FAM184B: variants seen among roughly 807,000 people sequenced by gnomAD.
The protein encoded by FAM184B is family with sequence similarity 184 member B.
A neutral mutation model predicts 135.9 loss-of-function variants in FAM184B; 111 were observed. The observed-to-expected ratio is 0.82, with a 90% CI of 0.70 to 0.96. The LOEUF (loss-of-function observed/expected upper bound fraction) is 0.96. Among genes scored for constraint, FAM184B ranks in the 40% least tolerant of loss-of-function variants. The pLI is 0.00. For synonymous variants in FAM184B, 552 were observed against 524.8 expected, an observed-to-expected ratio of 1.05 and a Z score of -0.71; for missense variants, 1,375 against 1,323.9, an observed-to-expected ratio of 1.04 and a Z score of -0.60.
At chr4:17,681,383 G>A (rs1323913995) in intron 7 of FAM184B, among the ~76,000 whole-genome samples, 15 of 152,188 alleles carry the variant, frequency 9.9e-5, no homozygotes, top group Admixed American at 2.0e-4. Context: ...TTAGGCAGGT[G>A]GCCCTGCCCT....
chr4:17,734,720 T>G (rs536564749), intron 1 of FAM184B, among the ~76,000 whole-genome samples: 40 of 149,386 alleles, frequency 2.7e-4, no homozygotes, highest in African/African-American at 4.2e-4. Context: ...GGAACACTTT[T>G]ACACTGTTGG....
intron 5 of FAM184B, among the ~76,000 whole-genome samples, chr4:17,700,008 C>T (rs1716949508): frequency 6.6e-6 from 1 of 152,140 alleles, no homozygotes; most frequent in African/African-American, 2.4e-5. Context: ...TTTAAAGGTG[C>T]ATATTCCAAA....
chr4:17,762,262 T>C (rs1244657177), intron 1 of FAM184B, among the ~76,000 whole-genome samples: 6 of 152,238 alleles, frequency 3.9e-5, no homozygotes, highest in Non-Finnish European at 8.8e-5. Context: ...ATCTCTGATC[T>C]AGACATCTTT....
chr4:17,765,473 T>C (rs1349010457), intron 1 of FAM184B, among the ~76,000 whole-genome samples: 1 of 152,194 alleles, frequency 6.6e-6, no homozygotes, highest in Non-Finnish European at 1.5e-5. Context: ...TGGCTCACAA[T>C]GAGGGATTAT....
At position 17,642,068 on chromosome 4, in the gene FAM184B, C is replaced by G. The variant is rs1300654384; in HGVS notation, c.2507G>C (p.Arg836Pro). ...CCGGGTCACCCACCTGCGCTGGTCT[C>G]GGAGCTTCTGCGCCTCCTGCTGATG... is the stretch of plus-strand genomic sequence containing the variant. ...EQHQQEAQKL[R>P]DQRRFLEETQ... The change falls in exon 13 of 18, where the codon CGA (arginine) becomes CCA (proline). Residue 836 changes from arginine to proline, a missense_variant. Physicochemically the swap from Arg to Pro is moderately radical, Grantham distance 103. Transcript: ENST00000265018. 1.3e-6 allele frequency: 2 copies of G among 1,530,894 alleles called. No individual in the cohort carries two copies. Among genetic ancestry groups the G allele is most frequent in the African/African-American group, 2.8e-5 (2 of 72,028 alleles). 94.8% of individuals were successfully genotyped at this position (1,530,894 alleles called of 1,614,324 possible).
chr4:17,660,529 G>A (rs535765214), intron 8 of FAM184B, among the ~76,000 whole-genome samples: 26 of 152,066 alleles, frequency 1.7e-4, no homozygotes, highest in South Asian at 1.2e-3. Flanking sequence ...TTTTGCACTC[G>A]TCAAAGCATG....
intron 1 of FAM184B, among the ~76,000 whole-genome samples, chr4:17,753,600 C>T (rs1406943362): frequency 6.6e-6 from 1 of 152,124 alleles, no homozygotes; most frequent in Non-Finnish European, 1.5e-5. Flanking sequence ...TTCCAGAGGG[C>T]TTTAAAAATG....
At chr4:17,761,290 T>C (rs1182517182) in intron 1 of FAM184B, among the ~76,000 whole-genome samples, 3 of 152,086 alleles carry the variant, frequency 2.0e-5, no homozygotes, top group African/African-American at 7.2e-5. Context: ...AAAGGCCATA[T>C]GAGGACAAGG....
At chr4:17,636,701 G>C (rs1715150419) in intron 14 of FAM184B, 56 bp from the exon 15 acceptor site, 2 of 1,363,292 alleles carry the variant, frequency 1.5e-6, no homozygotes, top group East Asian at 5.1e-5. Flanking sequence ...TCAACAAAGA[G>C]GGAGAACAAG....
chr4:17,658,775 G>A (rs1715841043), intron 9 of FAM184B, among the ~76,000 whole-genome samples: 1 of 152,202 alleles, frequency 6.6e-6, no homozygotes, highest in East Asian at 1.9e-4. Context: ...GAAAAGAGGG[G>A]TGGGGACATC....
chr4:17,676,825 AT>A (rs1312001404), intron 7 of FAM184B, among the ~76,000 whole-genome samples: 1 of 148,680 alleles, frequency 6.7e-6, no homozygotes, highest in African/African-American at 2.5e-5. Flanking sequence ...GTACAGTAAT[AT>A]GCTGTACAGG....
chr4:17,682,307 G>A (rs776750289), intron 7 of FAM184B, among the ~76,000 whole-genome samples: 1 of 152,116 alleles, frequency 6.6e-6, no homozygotes, highest in Non-Finnish European at 1.5e-5. Flanking sequence ...CGAGAATCAA[G>A]GAGACTGGCA....
chr4:17,693,181 C>G (rs1398727058), intron 6 of FAM184B, 121 bp downstream of exon 6: 1 of 670,458 alleles, frequency 1.5e-6, no homozygotes, highest in African/African-American at 1.8e-5. Context: ...CCCCCCGAGA[C>G]AGCCTGCCTG....
At chr4:17,671,896 G>A in intron 7 of FAM184B, among the ~76,000 whole-genome samples, 1 of 151,430 alleles carries the variant, frequency 6.6e-6, no homozygotes, top group East Asian at 2.0e-4. Context: ...TCAAGCAGAA[G>A]AAAGGATTAG....
chr4:17,641,989 G>C, intron 13 of FAM184B, 67 bp downstream of exon 13: 8 of 1,466,642 alleles, frequency 5.5e-6, no homozygotes, highest in Non-Finnish European at 7.2e-6. Flanking sequence ...AGCCGCAGTA[G>C]GGGGAGGGGG....
chr4:17,740,217 T>G (rs916927946), intron 1 of FAM184B, among the ~76,000 whole-genome samples: 1 of 151,910 alleles, frequency 6.6e-6, no homozygotes, highest in African/African-American at 2.4e-5. Flanking sequence ...CTGGGTGTGG[T>G]AGCGGGCGCC....
intron 5 of FAM184B, among the ~76,000 whole-genome samples, chr4:17,704,682 C>T (rs1717066207): frequency 6.6e-6 from 1 of 152,102 alleles, no homozygotes; most frequent in Admixed American, 6.5e-5. Flanking sequence ...TGTGTTTTTG[C>T]AGAGTAAGTA....
intron 1 of FAM184B, among the ~76,000 whole-genome samples, chr4:17,742,108 A>C (rs2108983617): frequency 6.7e-6 from 1 of 148,868 alleles, no homozygotes; most frequent in East Asian, 2.0e-4. Flanking sequence ...TTCTCACTAC[A>C]ATAAAATATA....
In FAM184B at chr4:17,705,077, C is replaced by A; in HGVS notation, c.1300G>T (p.Asp434Tyr). 3 of 1,551,746 alleles carry A rather than the reference C, an allele frequency of 1.9e-6. No individual in the cohort carries two copies. Among genetic ancestry groups the A allele is most frequent in the Admixed American group, 3.9e-5 (2 of 51,012 alleles). The change falls in exon 5 of 18, where the codon GAC (aspartate) becomes TAC (tyrosine). Residue 434 changes from aspartate to tyrosine, a missense_variant. Asp to Tyr is a radical substitution (Grantham distance 160). Transcript: ENST00000265018. ...TCCACGGTGTGCTTCTTTACCAAGT[C>A]TTCTAGTCGCTTCACTAGCTGGTCT... ...LKDQLVKRLE[D>Y]LVKKHTVEIK...
Sources: allele counts gnomAD v4.1 joint callset (sites outside exome capture counted in the v4.1 genomes callset), GRCh38; gene constraint gnomAD v4.1.1; transcripts MANE v1.5; gene names NCBI Gene and HGNC (gene_info 2026-07-23, HGNC 2026-07-21).